The following CCDC91 variants were observed in gnomAD, a reference collection of about 807,000 sequenced individuals.
CCDC91 encodes coiled-coil domain-containing protein 91.
A neutral mutation model predicts 63.2 loss-of-function variants in CCDC91; 48 were observed. The observed-to-expected ratio is 0.76, with a 90% confidence interval of 0.60 to 0.97. CCDC91 has a LOEUF of 0.97. Among genes scored for constraint, CCDC91 ranks in the 50% least tolerant of loss-of-function variants. CCDC91 has a pLI of 0.00. For missense variants in CCDC91, 500 were observed against 494.6 expected (o/e 1.01, Z -0.10); for synonymous variants, 167 against 165.8 (o/e 1.01, Z -0.06).
chr12:28,378,434 C>T (rs1945082100), intron 7 of CCDC91, among the ~76,000 whole-genome samples: 1 of 151,938 alleles, frequency 6.6e-6, no homozygotes, highest in Non-Finnish European at 1.5e-5. Flanking sequence ...ATTTAGGAGA[C>T]CAATATTTTC....
At chr12:28,536,551 T>C (rs1565539848) in intron 12 of CCDC91, among the ~76,000 whole-genome samples, 1 of 152,242 alleles carries the variant, frequency 6.6e-6, no homozygotes, top group Non-Finnish European at 1.5e-5. Context: ...TTATTGGATG[T>C]GTACATTTAG....
intron 12 of CCDC91, among the ~76,000 whole-genome samples, chr12:28,491,859 TTTTGTGTG>T (rs946851137): frequency 1.4e-4 from 11 of 78,230 alleles, no homozygotes; most frequent in African/African-American, 5.1e-4. Context: ...AAGTCAAAAA[TTTTGTGTG>T]TGTGTGTGTG....
chr12:28,476,055 A>AC (rs1314437231), intron 11 of CCDC91, among the ~76,000 whole-genome samples: 7 of 151,902 alleles, frequency 4.6e-5, no homozygotes, highest in Non-Finnish European at 1.0e-4. Flanking sequence ...ATAGTTCATT[A>AC]CCCCCAAATC....
At chr12:28,507,634 A>G (rs976117844) in intron 12 of CCDC91, among the ~76,000 whole-genome samples, 1 of 151,984 alleles carries the variant, frequency 6.6e-6, no homozygotes, top group African/African-American at 2.4e-5. Flanking sequence ...TTACCATTGA[A>G]CAGGATGTTC....
chr12:28,522,819 A>G (rs1940857917), intron 12 of CCDC91, among the ~76,000 whole-genome samples: 1 of 152,008 alleles, frequency 6.6e-6, no homozygotes, highest in South Asian at 2.1e-4. Flanking sequence ...TTCTGCCTTC[A>G]TTTCGTTATG....
intron 8 of CCDC91, among the ~76,000 whole-genome samples, chr12:28,392,212 G>A (rs1264951429): frequency 6.6e-6 from 1 of 152,112 alleles, no homozygotes; most frequent in Non-Finnish European, 1.5e-5. Flanking sequence ...ACTGTTTTAG[G>A]TAGTGAAATA....
At chr12:28,211,389 G>A (rs1943222239) in intron 1 of CCDC91, among the ~76,000 whole-genome samples, 2 of 151,978 alleles carry the variant, frequency 1.3e-5, no homozygotes, top group African/African-American at 4.8e-5. Context: ...TGCAAAATAC[G>A]TGTGACAAAA....
intron 12 of CCDC91, among the ~76,000 whole-genome samples, chr12:28,539,978 C>T (rs1942505794): frequency 6.6e-6 from 1 of 152,050 alleles, no homozygotes; most frequent in Non-Finnish European, 1.5e-5. Flanking sequence ...TGCTTTGTTA[C>T]CTTGGTTTAA....
At chr12:28,455,912 T>A (rs954196204) in intron 11 of CCDC91, among the ~76,000 whole-genome samples, 1 of 152,138 alleles carries the variant, frequency 6.6e-6, no homozygotes, top group African/African-American at 2.4e-5. Context: ...ACAGAGATTA[T>A]GTAACTTGTT....
rs1190183917 is a variant in CCDC91, at chr12:28,359,686, T to C, written c.577-2752T>C. 5.9e-5 allele frequency among the ~76,000 whole-genome samples: 9 copies of C among 152,308 alleles called. No homozygotes were observed. The East Asian group carries it at 1.7e-3, about 29-fold the overall frequency. On this transcript the variant is annotated intron_variant, in intron 6 of 12. Coordinates refer to ENST00000536442, the MANE Select transcript of CCDC91 (RefSeq NM_018318.5). ...AAGCAGTCTCTGGGTAACACTAGTGTATCTGACTGCATATATCCCCAGGGT... is the reference window on the plus strand; with the variant it reads ...AAGCAGTCTCTGGGTAACACTAGTGCATCTGACTGCATATATCCCCAGGGT...
intron 8 of CCDC91, among the ~76,000 whole-genome samples, chr12:28,433,558 T>C (rs1282649985): frequency 1.3e-5 from 2 of 151,994 alleles, no homozygotes; most frequent in African/African-American, 4.8e-5. Flanking sequence ...TCTGTTCCAT[T>C]TATCTATTTG....
chr12:28,413,965 G>A (rs1947483478), intron 8 of CCDC91, among the ~76,000 whole-genome samples: 1 of 152,072 alleles, frequency 6.6e-6, no homozygotes, highest in Admixed American at 6.6e-5. Flanking sequence ...CTTTTTGCCT[G>A]TTAGATAACA....
chr12:28,505,679 C>A (rs1413943251), intron 12 of CCDC91, among the ~76,000 whole-genome samples: 3 of 151,886 alleles, frequency 2.0e-5, no homozygotes, highest in Non-Finnish European at 4.4e-5. Flanking sequence ...AGCTATACCC[C>A]AAAGAGCAAC....
intron 12 of CCDC91, among the ~76,000 whole-genome samples, chr12:28,542,240 G>A (rs1942678861): frequency 6.6e-6 from 1 of 151,964 alleles, no homozygotes; most frequent in South Asian, 2.1e-4. Flanking sequence ...ACTTACTTTA[G>A]ATGACTCAAA....
chr12:28,527,109 A>C (rs1941330561), intron 12 of CCDC91, among the ~76,000 whole-genome samples: 1 of 151,978 alleles, frequency 6.6e-6, no homozygotes, highest in Non-Finnish European at 1.5e-5. Flanking sequence ...TTTTCAGGTA[A>C]ATCAGGGATT....
chr12:28,426,415 T>C (rs1435811454), intron 8 of CCDC91, among the ~76,000 whole-genome samples: 1 of 152,198 alleles, frequency 6.6e-6, no homozygotes, highest in Non-Finnish European at 1.5e-5. Context: ...TTCTGCTTCA[T>C]TCTTCTTTTC....
chr12:28,462,025 T>C (rs1287175975), intron 11 of CCDC91, among the ~76,000 whole-genome samples: 1 of 151,748 alleles, frequency 6.6e-6, no homozygotes, highest in Non-Finnish European at 1.5e-5. Flanking sequence ...GAGAGGGTGC[T>C]GCAACGAATT....
intron 12 of CCDC91, among the ~76,000 whole-genome samples, chr12:28,498,683 G>A (rs73087917): frequency 0.014 from 2,140 of 151,656 alleles, 19 homozygotes; most frequent in African/African-American, 0.021. Flanking sequence ...TTACTTTATA[G>A]TATCACTACT....
chr12:28,357,316 G>C (rs1943589371), intron 6 of CCDC91, among the ~76,000 whole-genome samples: 1 of 152,140 alleles, frequency 6.6e-6, no homozygotes, highest in South Asian at 2.1e-4. Context: ...CTAAGAAGCA[G>C]TTGGGATTGG....
Sources: allele counts gnomAD v4.1 joint callset (sites outside exome capture counted in the v4.1 genomes callset), GRCh38; gene constraint gnomAD v4.1.1; transcripts MANE v1.5; gene names NCBI Gene and HGNC (gene_info 2026-07-23, HGNC 2026-07-21).